PALLD: variants seen among roughly 807,000 people sequenced by gnomAD.
PALLD encodes the protein palladin.
Under a neutral mutation model 123.5 loss-of-function variants are expected in PALLD, and 61 were observed. The ratio of observed to expected loss-of-function variants is 0.49; its 90% CI spans 0.40 to 0.61. The LOEUF (loss-of-function observed/expected upper bound fraction) is 0.61. PALLD is among the 20% of genes least tolerant of loss of function. The pLI, the probability that PALLD is intolerant of heterozygous loss-of-function variation, is 0.00. For synonymous variants in PALLD, 465 were observed against 496.4 expected, an observed-to-expected ratio of 0.94 and a Z score of 0.84; for missense variants, 1,273 against 1,377.0, an observed-to-expected ratio of 0.92 and a Z score of 1.20.
At chr4:168,741,952 A>G (rs1788390860) in intron 10 of PALLD, among the ~76,000 whole-genome samples, 1 of 152,206 alleles carries the variant, frequency 6.6e-6, no homozygotes, top group African/African-American at 2.4e-5. Flanking sequence ...CCCTGTGACC[A>G]GGACAAAAGG....
chr4:168,724,599 A>C (rs544856445), intron 10 of PALLD, among the ~76,000 whole-genome samples: 1 of 152,380 alleles, frequency 6.6e-6, no homozygotes, highest in Non-Finnish European at 1.5e-5. Context: ...TGATTTTAAG[A>C]ATGATGAACA....
intron 8 of PALLD, among the ~76,000 whole-genome samples, chr4:168,692,209 A>T (rs1782700648): frequency 1.3e-5 from 2 of 152,142 alleles, no homozygotes; most frequent in Non-Finnish European, 2.9e-5. Context: ...TGCAGGTCAG[A>T]TTACTGCAGT....
intron 15 of PALLD, among the ~76,000 whole-genome samples, chr4:168,904,955 T>C (rs572923419): frequency 2.0e-5 from 3 of 151,752 alleles, no homozygotes; most frequent in African/African-American, 7.2e-5. Context: ...GGCGAAACCC[T>C]GTCTCTACTA....
chr4:168,617,515 C>G (rs1774345700), intron 2 of PALLD, among the ~76,000 whole-genome samples: 1 of 152,104 alleles, frequency 6.6e-6, no homozygotes, highest in South Asian at 2.1e-4. Flanking sequence ...GCCGGCCAGT[C>G]AAGCAGTAGG....
At chr4:168,698,066 A>C (rs1783313275) in intron 8 of PALLD, among the ~76,000 whole-genome samples, 1 of 152,232 alleles carries the variant, frequency 6.6e-6, no homozygotes, top group African/African-American at 2.4e-5. Context: ...TATCATTTGC[A>C]ACAACATGGA....
rs1286328327 is a variant in PALLD at position 168,511,688 on chromosome 4, AAGG to A, written c.187_189del (p.Glu63del). 1 of 1,614,078 alleles carries A rather than the reference AAGG, an allele frequency of 6.2e-7. No individual in the cohort carries two copies. Among genetic ancestry groups the A allele is most frequent in the East Asian group, 2.2e-5 (1 of 44,890 alleles). On this transcript the variant is annotated inframe_deletion, in exon 2 of 22. Coordinates refer to ENST00000505667, the MANE Select transcript of PALLD (RefSeq NM_001166108.2). ...CGAAACAGAAGATTTTGACTCGGAA[AAGG>A]AGATCTCGCAGATTTTCAGTACTTC... is the stretch of plus-strand genomic sequence containing the variant.
chr4:168,684,927 A>G (rs1212883937), intron 5 of PALLD, among the ~76,000 whole-genome samples: 1 of 152,222 alleles, frequency 6.6e-6, no homozygotes, highest in African/African-American at 2.4e-5. Context: ...ACTACTCTGA[A>G]ATCCTTATAT....
intron 2 of PALLD, among the ~76,000 whole-genome samples, chr4:168,590,309 T>A (rs537952959): frequency 6.6e-6 from 1 of 152,192 alleles, no homozygotes; most frequent in Non-Finnish European, 1.5e-5. Context: ...GCCATTGCAC[T>A]CCAGCCTGGG....
chr4:168,625,502 G>A (rs10015171), intron 2 of PALLD, among the ~76,000 whole-genome samples: 3 of 114,430 alleles, frequency 2.6e-5, no homozygotes, highest in African/African-American at 1.0e-4. Flanking sequence ...ATATCCAGGA[G>A]ATATATATAT....
intron 1 of PALLD, among the ~76,000 whole-genome samples, chr4:168,503,740 T>G (rs1350830541): frequency 1.3e-5 from 2 of 151,868 alleles, no homozygotes; most frequent in Non-Finnish European, 2.9e-5. Context: ...AGAAAGAATC[T>G]GAATTGTTTG....
chr4:168,923,020 T>C (rs183065613), intron 18 of PALLD, among the ~76,000 whole-genome samples: 91 of 152,346 alleles, frequency 6.0e-4, no homozygotes, highest in Non-Finnish European at 1.2e-3. Flanking sequence ...TCACAGTGCT[T>C]TCCTAAGGAT....
At chr4:168,682,817 C>CT (rs1781676660) in intron 4 of PALLD, among the ~76,000 whole-genome samples, 181 bp from the exon 5 acceptor site, 1 of 151,946 alleles carries the variant, frequency 6.6e-6, no homozygotes. Context: ...CACAGCTATT[C>CT]TAGCTGTAGG....
chr4:168,661,596 A>G (rs1479108518), intron 2 of PALLD, among the ~76,000 whole-genome samples: 2 of 152,218 alleles, frequency 1.3e-5, no homozygotes, highest in Non-Finnish European at 2.9e-5. Context: ...AGGGGCATGT[A>G]CCATGCCCAC....
At chr4:168,904,060 T>C (rs959995301) in intron 15 of PALLD, 154 bp downstream of exon 15, 42 of 728,934 alleles carry the variant, frequency 5.8e-5, no homozygotes, top group Non-Finnish European at 9.0e-5. Context: ...TTTCAGAGGA[T>C]AGAAAAATTC....
chr4:168,848,529 C>T (rs75898132), intron 10 of PALLD, among the ~76,000 whole-genome samples: 521 of 152,012 alleles, frequency 3.4e-3, no homozygotes, highest in Non-Finnish European at 5.9e-3. Flanking sequence ...GAAAACAATT[C>T]GAGGAAAACG....
At chr4:168,512,725 T>G (rs2319917) in intron 2 of PALLD, among the ~76,000 whole-genome samples, 104,898 of 152,026 alleles carry the variant, frequency 0.69, 36,335 homozygotes, top group East Asian at 0.82. Flanking sequence ...ATGTGAAACT[T>G]ATTTACTCGA....
chr4:168,607,051 A>G (rs1321600178), intron 2 of PALLD, among the ~76,000 whole-genome samples: 1 of 152,204 alleles, frequency 6.6e-6, no homozygotes, highest in Admixed American at 6.5e-5. Context: ...CTATGCTAAG[A>G]ACCTAAGATA....
chr4:168,676,017 C>T (rs185344566), intron 3 of PALLD, among the ~76,000 whole-genome samples: 11 of 152,130 alleles, frequency 7.2e-5, no homozygotes, highest in African/African-American at 2.2e-4. Context: ...ATGGCACCAC[C>T]GCACTCCAGC....
intron 2 of PALLD, among the ~76,000 whole-genome samples, chr4:168,626,100 A>G (rs1775244045): frequency 6.9e-6 from 1 of 144,284 alleles, no homozygotes; most frequent in South Asian, 2.2e-4. Flanking sequence ...CGTCTCTACT[A>G]AAAATACAAA....
Sources: allele counts gnomAD v4.1 joint callset (sites outside exome capture counted in the v4.1 genomes callset), GRCh38; gene constraint gnomAD v4.1.1; transcripts MANE v1.5; gene names NCBI Gene and HGNC (gene_info 2026-07-23, HGNC 2026-07-21).